The following ZFHX4 variants were observed in gnomAD, a reference collection of about 807,000 sequenced individuals.
ZFHX4 encodes the protein zinc finger homeobox protein 4.
In ZFHX4, 56 loss-of-function variants were observed where a neutral mutation model predicts 267.6. The ratio of observed to expected loss-of-function variants is 0.21; its 90% CI spans 0.17 to 0.26. ZFHX4 has a LOEUF of 0.26. Ranked by LOEUF, ZFHX4 falls within the 10% of genes least tolerant of loss-of-function variation. The pLI, the probability that ZFHX4 is intolerant of heterozygous loss-of-function variation, is 1.00. For synonymous variants in ZFHX4, 1,778 were observed against 1,665.6 expected (o/e 1.07, Z -1.64); for missense variants, 4,332 against 4,420.0 (o/e 0.98, Z 0.56).
At chr8:76,820,913 C>G (rs913642751) in intron 4 of ZFHX4, among the ~76,000 whole-genome samples, 1 of 152,132 alleles carries the variant, frequency 6.6e-6, no homozygotes, top group African/African-American at 2.4e-5. Context: ...TATGCTAAAA[C>G]CAGATGACTT....
At position 76,854,620 on chromosome 8, in the gene ZFHX4, C is replaced by T; in HGVS notation, c.7699C>T (p.His2567Tyr). 3 of 1,613,752 alleles carry T rather than the reference C, an allele frequency of 1.9e-6. No homozygotes were observed. Among genetic ancestry groups the T allele is most frequent in the Non-Finnish European group, 2.5e-6 (3 of 1,179,882 alleles). Residue 2567 changes from histidine to tyrosine, a missense_variant, in exon 10 of 11, where the codon CAC becomes TAC. Transcript: ENST00000651372. ...AATGCCCCCTCAGGCCAGTTCCTCC[C>T]ACACCACAGCCCCCACAACGGTTGC... ...TQMPPQASSS[H>Y]TTAPTTVAAS...
chr8:76,704,254 C>A lies in ZFHX4; in HGVS notation c.166C>A (p.Arg56Ser). ...STDDNLKTDERKSEALLGFSV... is the reference protein window; with the variant it reads ...STDDNLKTDESKSEALLGFSV... ...AGATGACAACCTGAAAACGGATGAG[C>A]GCAAAAGTGAAGCCTTGCTGGGTTT... is the stretch of plus-strand genomic sequence containing the variant. The change falls in exon 2 of 11, where the codon CGC becomes AGC. Residue 56 changes from arginine to serine, a missense_variant. Physicochemically the swap from Arg to Ser is moderately radical, Grantham distance 110. This residue lies in a region of ZFHX4 where 1,195 missense variants were observed against 1,173.6 expected (regional missense o/e 1.02). Coordinates refer to ENST00000651372, the MANE Select transcript of ZFHX4 (RefSeq NM_024721.5). The A allele has an allele frequency of 1.9e-6, 3 of 1,613,958 alleles. No individual in the cohort carries two copies. Among genetic ancestry groups the A allele is most frequent in the South Asian group, 2.2e-5 (2 of 91,076 alleles).
At chr8:76,719,318 C>T (rs1406124054) in intron 3 of ZFHX4, among the ~76,000 whole-genome samples, 2 of 151,904 alleles carry the variant, frequency 1.3e-5, no homozygotes, top group African/African-American at 4.8e-5. Context: ...TCTCTTCCTG[C>T]ACAATGTAAG....
At chr8:76,682,549 GACCCGC>G (rs1807566381) in intron 1 of ZFHX4, 1 of 152,320 alleles carries the variant, frequency 6.6e-6, no homozygotes, top group Non-Finnish European at 1.5e-5. Context: ...CTGGGCCAGG[GACCCGC>G]GAGGCGGCGG....
intron 10 of ZFHX4, among the ~76,000 whole-genome samples, chr8:76,860,998 T>C (rs1812851767): frequency 6.6e-6 from 1 of 152,156 alleles, no homozygotes; most frequent in East Asian, 1.9e-4. Context: ...CCCAAAGGCA[T>C]ATCTATTACT....
At chr8:76,693,666 C>T (rs1807880378) in intron 1 of ZFHX4, among the ~76,000 whole-genome samples, 1 of 152,188 alleles carries the variant, frequency 6.6e-6, no homozygotes, top group Non-Finnish European at 1.5e-5. Context: ...TTAGTTGTTA[C>T]AATTCCTGTG....
chr8:76,695,612 A>C (rs1344798083), intron 1 of ZFHX4, among the ~76,000 whole-genome samples: 1 of 152,232 alleles, frequency 6.6e-6, no homozygotes, highest in South Asian at 2.1e-4. Context: ...CTTTAGCTGC[A>C]GAAGTTCTTA....
At position 76,846,419 on chromosome 8, in the gene ZFHX4, A is replaced by G. The variant is rs556090191; in HGVS notation, c.3512-2576A>G. 2.0e-5 allele frequency among the ~76,000 whole-genome samples: 3 copies of G among 152,154 alleles called. No individual in the cohort carries two copies. In the East Asian group the frequency reaches 5.8e-4, roughly 29 times the overall value. On this transcript the variant is annotated intron_variant, in intron 6 of 10. Transcript: ENST00000651372. ...GGTCTTTAGGAGGCTCCTGGCTTAT[A>G]TTAAGATTATGGTTTAAGTTAATTA...
intron 4 of ZFHX4, among the ~76,000 whole-genome samples, chr8:76,825,117 C>T (rs934166355): frequency 6.6e-6 from 1 of 152,088 alleles, no homozygotes; most frequent in African/African-American, 2.4e-5. Context: ...CTTATAAATA[C>T]AATCTAAAAA....
At chr8:76,691,754 C>T (rs4735665) in intron 1 of ZFHX4, among the ~76,000 whole-genome samples, 21,170 of 152,004 alleles carry the variant, frequency 0.14, 1,958 homozygotes, top group East Asian at 0.28. Context: ...GCAGAGATTA[C>T]ATAAGATAAA....
Position 76,853,837 on chromosome 8 carries a change from C to G in ZFHX4, c.6916C>G (p.Arg2306Gly), listed in dbSNP as rs1274336018. The G allele has an allele frequency of 6.2e-7, 1 of 1,613,848 alleles. No homozygotes were observed. Among genetic ancestry groups the G allele is most frequent in the Non-Finnish European group, 8.5e-7 (1 of 1,179,858 alleles). Reference sequence around the variant, plus strand: ...AGAACTCACTAATGAACGGTACATTCGAACAAGCAACATGCAGTACCAGTG... The same window carrying G: ...AGAACTCACTAATGAACGGTACATTGGAACAAGCAACATGCAGTACCAGTG... ...KRELTNERYI[R>G]TSNMQYQCKK... The change falls in exon 10 of 11, where the codon CGA becomes GGA. Residue 2306 changes from arginine (R) to glycine (G), a missense_variant. Physicochemically the swap from Arg to Gly is moderately radical, Grantham distance 125. Transcript: ENST00000651372.
intron 3 of ZFHX4, among the ~76,000 whole-genome samples, chr8:76,728,205 G>C (rs1585887688): frequency 6.6e-6 from 1 of 152,074 alleles, no homozygotes; most frequent in African/African-American, 2.4e-5. Flanking sequence ...ATATAATTTT[G>C]TTTAAGAAAC....
intron 1 of ZFHX4, among the ~76,000 whole-genome samples, chr8:76,695,703 A>G (rs748700397): frequency 6.6e-5 from 10 of 152,212 alleles, no homozygotes; most frequent in Non-Finnish European, 8.8e-5. Flanking sequence ...TACCCATACA[A>G]TCTTTTCTTG....
Position 76,852,855 on chromosome 8 carries a change from A to G in ZFHX4, c.5934A>G (p.Leu1978=), listed in dbSNP as rs761037504. ...VHGQFFPYAA[L]EKFARQYREA... ...GGCAATTTTTTCCATATGCAGCGCT[A>G]GAAAAATTTGCTCGTCAATACAGGG... The change falls in exon 10 of 11, where the codon CTA becomes CTG. Residue 1978 remains leucine, a synonymous_variant. Coordinates refer to ENST00000651372, the MANE Select transcript of ZFHX4 (RefSeq NM_024721.5). 2.5e-5 allele frequency: 41 copies of G among 1,613,884 alleles called. No individual in the cohort carries two copies. The highest frequency in any genetic ancestry group is 3.2e-5 in the Non-Finnish European group (38 of 1,179,858).
At position 76,867,149 on chromosome 8, in the gene ZFHX4, T is replaced by C. The variant is rs1813055573; in HGVS notation, c.*2584T>C. The C allele has an allele frequency of 6.5e-6, 1 of 152,672 alleles. No homozygotes were observed. The highest frequency in any genetic ancestry group is 6.5e-5 in the Admixed American group (1 of 15,270). 9.5% of individuals were successfully genotyped at this position (152,672 alleles called of 1,614,324 possible). ...TAACATGGTTTTGAAAACTTTTTTT[T>C]ATTTTGTCACAGACCTGTTGTCATA... On this transcript the variant is annotated 3_prime_UTR_variant, in exon 11 of 11. Coordinates refer to ENST00000651372, the MANE Select transcript of ZFHX4 (RefSeq NM_024721.5).
rs563962370 is a variant in ZFHX4, at chr8:76,844,277, C to A, written c.3511+1506C>A. Among the ~76,000 whole-genome samples, 4 of 152,256 alleles carry A rather than the reference C, an allele frequency of 2.6e-5. No individual in the cohort carries two copies. The South Asian group carries it at 8.3e-4, about 32-fold the overall frequency. ...AGGTTCTGTCTGTATTCAGTGGCAT[C>A]TTTCACATAGTAGTACCAAAACAGA... On this transcript the variant is annotated intron_variant, in intron 6 of 10. Coordinates refer to ENST00000651372, the MANE Select transcript of ZFHX4 (RefSeq NM_024721.5).
chr8:76,786,903 A>G (rs1585944200), intron 4 of ZFHX4, among the ~76,000 whole-genome samples: 1 of 152,320 alleles, frequency 6.6e-6, no homozygotes, highest in Middle Eastern at 3.4e-3. Context: ...CATGAGATTT[A>G]TTGGCAGAAA....
In ZFHX4 at chr8:76,855,457, G is replaced by T; in HGVS notation, c.8536G>T (p.Asp2846Tyr). Residue 2846 changes from aspartate (D) to tyrosine (Y), a missense_variant, in exon 10 of 11, where the codon GAT becomes TAT. Transcript: ENST00000651372. ...ALSPKEPKTL[D>Y]TLPKPATTPT... Reference sequence around the variant, plus strand: ...GTCTCCCAAAGAGCCAAAAACTCTGGATACTCTGCCAAAACCTGCAACCAC... The same window carrying T: ...GTCTCCCAAAGAGCCAAAAACTCTGTATACTCTGCCAAAACCTGCAACCAC... 6.2e-7 allele frequency: 1 copy of T among 1,613,526 alleles called. No individual in the cohort carries two copies. The highest frequency in any genetic ancestry group is 8.5e-7 in the Non-Finnish European group (1 of 1,179,814).
At chr8:76,735,468 G>A (rs1340426739) in intron 3 of ZFHX4, among the ~76,000 whole-genome samples, 2 of 152,040 alleles carry the variant, frequency 1.3e-5, no homozygotes, top group African/African-American at 4.8e-5. Context: ...TGATTAGGTA[G>A]TATTTTAGTG....
Sources: gnomAD v4.1 joint callset for allele counts (sites outside exome capture counted in the v4.1 genomes callset) on GRCh38, gnomAD v4.1.1 for gene constraint, gnomAD v4.1.1 regional missense constraint, MANE v1.5 for transcripts, NCBI Gene and HGNC (gene_info 2026-07-23, HGNC 2026-07-21) for gene names.